The following ADPRHL1 variants were observed in gnomAD, a reference collection of about 807,000 sequenced individuals.
ADPRHL1 encodes inactive ADP-ribosyltransferase ARH2.
A neutral mutation model predicts 44.1 loss-of-function variants in ADPRHL1; 43 were observed. The ratio of observed to expected loss-of-function variants is 0.98; its 90% confidence interval spans 0.76 to 1.26. The LOEUF is 1.26. Among genes scored for constraint, ADPRHL1 ranks in the 50% most tolerant of loss-of-function variants. The probability of loss-of-function intolerance (pLI) is 0.00; values close to 1 mark genes in which losing one functional copy is unlikely to be tolerated. For missense variants in ADPRHL1, 2,022 were observed against 2,496.9 expected (o/e 0.81, Z 4.05); for synonymous variants, 878 against 1,017.4 (o/e 0.86, Z 2.61).
chr13:113,447,209 C>T (rs1234135010), intron 1 of ADPRHL1, among the ~76,000 whole-genome samples: 1 of 127,248 alleles, frequency 7.9e-6, no homozygotes, highest in East Asian at 2.5e-4. Context: ...GTTGTGTGTG[C>T]ATGGCGTCTA....
chr13:113,406,629 C>G lies in ADPRHL1; in HGVS notation c.2653G>C (p.Glu885Gln). ...GENVVENAHT[E>Q]FPTVTENRRG... ...CTGTTCTCAGTCACGGTGGGAAATT[C>G]TGTGTGGGCATTTTCAACCACATTC... is the stretch of plus-strand genomic sequence containing the variant. The change falls in exon 8 of 8, where the codon GAA becomes CAA. Residue 885 changes from glutamate (E) to glutamine (Q), a missense_variant. By Grantham distance (29) the Glu-to-Gln change is conservative. This residue lies in a region of ADPRHL1 where 1,221 missense variants were observed against 1,517.8 expected (regional missense o/e 0.80). Coordinates refer to ENST00000612156, the MANE Select transcript of ADPRHL1 (RefSeq NM_001394807.1). 1 of 1,231,680 alleles carries G rather than the reference C, an allele frequency of 8.1e-7. No individual in the cohort carries two copies. Among genetic ancestry groups the G allele is most frequent in the Non-Finnish European group, 1.0e-6 (1 of 987,938 alleles). 76.3% of individuals were successfully genotyped at this position (1,231,680 alleles called of 1,614,324 possible).
At chr13:113,416,571 G>A (rs929269531) in intron 7 of ADPRHL1, among the ~76,000 whole-genome samples, 2 of 152,132 alleles carry the variant, frequency 1.3e-5, no homozygotes, top group Admixed American at 6.6e-5. Flanking sequence ...CTCAGTACCT[G>A]TGGGACATAC....
At chr13:113,440,971 G>A (rs1270972378) in intron 2 of ADPRHL1, among the ~76,000 whole-genome samples, 1 of 152,038 alleles carries the variant, frequency 6.6e-6, no homozygotes, top group Admixed American at 6.6e-5. Flanking sequence ...TGGCCAACAT[G>A]GCAAAACCTT....
At chr13:113,452,879 CGA>C (rs954282904) in intron 1 of ADPRHL1, among the ~76,000 whole-genome samples, 2 of 152,166 alleles carry the variant, frequency 1.3e-5, no homozygotes, top group Non-Finnish European at 2.9e-5. Flanking sequence ...CCAGCACGGC[CGA>C]GAGAGGCTTC....
At chr13:113,425,275 T>A in intron 4 of ADPRHL1, 96 bp from the exon 5 acceptor site, 1 of 1,159,272 alleles carries the variant, frequency 8.6e-7, no homozygotes, top group Non-Finnish European at 1.2e-6. Flanking sequence ...GGCGTGTGTG[T>A]GGCGGGGAAG....
rs754916054 is a variant in ADPRHL1, at chr13:113,407,192, C to T, written c.2090G>A (p.Arg697Lys). The T allele has an allele frequency of 9.7e-5, 120 of 1,232,140 alleles. No homozygotes were observed. The highest frequency in any genetic ancestry group is 3.1e-4 in the Middle Eastern group (1 of 3,232). 76.3% of individuals were successfully genotyped at this position (1,232,140 alleles called of 1,614,324 possible). The change falls in exon 8 of 8, where the codon AGG (arginine) becomes AAG (lysine). Residue 697 changes from arginine to lysine, a missense_variant. By Grantham distance (26) the Arg-to-Lys change is conservative. Around this residue, in one of 8 missense-constraint regions of ADPRHL1, gnomAD observed 1,221 missense variants for 1,517.8 expected, o/e 0.80. Coordinates refer to ENST00000612156, the MANE Select transcript of ADPRHL1 (RefSeq NM_001394807.1). ...KPVTPQVMAQ[R>K]DGHAVPSLAF... is the part of the protein sequence containing the mutation. ...CAGCGAGGGGACAGCGTGGCCGTCC[C>T]TCTGAGCCATCACCTGGGGTGTCAC...
At chr13:113,432,631 G>T (rs949639197) in intron 3 of ADPRHL1, among the ~76,000 whole-genome samples, 2 of 128,090 alleles carry the variant, frequency 1.6e-5, no homozygotes, top group African/African-American at 5.7e-5. Context: ...GGTAGTAAAG[G>T]CACGCACCTG....
At position 113,424,270 on chromosome 13, in the gene ADPRHL1, A is replaced by G; in HGVS notation, c.854T>C (p.Leu285Pro). The G allele has an allele frequency of 6.2e-7, 1 of 1,612,962 alleles. No homozygotes were observed. Among genetic ancestry groups the G allele is most frequent in the Non-Finnish European group, 8.5e-7 (1 of 1,179,918 alleles). Residue 285 changes from leucine (L) to proline (P), a missense_variant, in exon 6 of 8, where the codon CTT (leucine) becomes CCT (proline). By Grantham distance (98) the Leu-to-Pro change is moderately conservative (BLOSUM62 -3). Coordinates refer to ENST00000612156, the MANE Select transcript of ADPRHL1 (RefSeq NM_001394807.1). The stretch of plus-strand genomic sequence containing the variant: ...CTCAGTCCAGCTGTTTCCTGCTGCA[A>G]GGAGGGCGTCATAGGCTATCATGGG... The part of the protein sequence containing the change: ...DAPMIAYDAL[L>P]AAGNSWTELC...
chr13:113,434,815 C>T (rs1201433532), intron 2 of ADPRHL1, among the ~76,000 whole-genome samples: 1 of 76,642 alleles, frequency 1.3e-5, no homozygotes, highest in Non-Finnish European at 2.5e-5. Flanking sequence ...GGCACCCATG[C>T]ATAGAGTGAA....
chr13:113,445,894 G>A (rs9604115), intron 1 of ADPRHL1, among the ~76,000 whole-genome samples: 4 of 147,512 alleles, frequency 2.7e-5, no homozygotes, highest in East Asian at 2.0e-4. Context: ...GAGAGCACGC[G>A]CGTGTAGGGA....
chr13:113,422,931 A>G lies in ADPRHL1; in HGVS notation c.956T>C (p.Leu319Pro), dbSNP rs967117868. ...GTIAGCLFGL[L>P]YGLDLVPKGL... ...TTTGGGAACGAGGTCCAGGCCGTAC[A>G]GCAACCCGAACAGGCAGCCTGCAAT... The change falls in exon 7 of 8, where the codon CTG (leucine) becomes CCG (proline). Residue 319 changes from leucine (L) to proline (P), a missense_variant. By Grantham distance (98) the Leu-to-Pro change is moderately conservative. Coordinates refer to ENST00000612156, the MANE Select transcript of ADPRHL1 (RefSeq NM_001394807.1). 1.2e-6 allele frequency: 2 copies of G among 1,612,834 alleles called. No individual in the cohort carries two copies. Among genetic ancestry groups the G allele is most frequent in the Non-Finnish European group, 1.7e-6 (2 of 1,179,996 alleles).
chr13:113,408,926 G>A (rs976512579), intron 7 of ADPRHL1, among the ~76,000 whole-genome samples: 3 of 151,140 alleles, frequency 2.0e-5, no homozygotes, highest in Non-Finnish European at 3.0e-5. Flanking sequence ...GGGGAGGAGC[G>A]GGTTGCAGAG....
rs1173259388 is a variant in ADPRHL1 at position 113,399,752 on chromosome 13, A to G, written c.*3626T>C. 2.6e-5 allele frequency: 4 copies of G among 152,098 alleles called. No individual in the cohort carries two copies. The highest frequency in any genetic ancestry group is 4.8e-5 in the African/African-American group (2 of 41,438). The allele number at this position is 152,098 out of a possible 1,614,324, so 9.4% of individuals were successfully genotyped here. A position where few individuals can be genotyped will look rare whatever the true frequency, so the allele number is the denominator to read the frequency against. On this transcript the variant is annotated 3_prime_UTR_variant, in exon 8 of 8. Coordinates refer to ENST00000612156, the MANE Select transcript of ADPRHL1 (RefSeq NM_001394807.1). ...TAGGGTTGTTTATATACAAAGAAGAATATGAACAAGAACAAATTTAATAAA... is the reference window on the plus strand; with the variant it reads ...TAGGGTTGTTTATATACAAAGAAGAGTATGAACAAGAACAAATTTAATAAA...
At position 113,403,357 on chromosome 13, in the gene ADPRHL1, C is replaced by A. The variant is rs568305562; in HGVS notation, c.*21G>T. The A allele has an allele frequency of 3.2e-6, 4 of 1,231,826 alleles. No individual in the cohort carries two copies. The African/African-American group carries it at 6.2e-5, about 19-fold the overall frequency. 76.3% of individuals were successfully genotyped at this position (1,231,826 alleles called of 1,614,324 possible). A position where few individuals can be genotyped will look rare whatever the true frequency, so the allele number is the denominator to read the frequency against. ...GGCGGATGTCACAGTGCTGGGCGAGCCACGGTGTGTACTCGGGGCCTCACT... is the reference window on the plus strand; with the variant it reads ...GGCGGATGTCACAGTGCTGGGCGAGACACGGTGTGTACTCGGGGCCTCACT... On this transcript the variant is annotated 3_prime_UTR_variant, in exon 8 of 8. Transcript: ENST00000612156.
intron 2 of ADPRHL1, among the ~76,000 whole-genome samples, chr13:113,435,821 G>C (rs1216260267): frequency 1.1e-5 from 1 of 91,482 alleles, no homozygotes; most frequent in African/African-American, 4.4e-5. Context: ...CCGGCACCCA[G>C]GTGTAGAGTG....
At chr13:113,421,178 G>C (rs1202967082) in intron 7 of ADPRHL1, among the ~76,000 whole-genome samples, 36 of 25,658 alleles carry the variant, frequency 1.4e-3, no homozygotes, top group Admixed American at 1.6e-3. Flanking sequence ...CCCAGGACAC[G>C]CCTACCCCTG....
intron 7 of ADPRHL1, among the ~76,000 whole-genome samples, chr13:113,412,585 G>T (rs1165205510): frequency 2.0e-5 from 3 of 152,234 alleles, no homozygotes; most frequent in Non-Finnish European, 4.4e-5. Context: ...GACCCCTGTT[G>T]GTTCTGGTCT....
At chr13:113,411,248 T>C (rs188412293) in intron 7 of ADPRHL1, among the ~76,000 whole-genome samples, 2 of 152,282 alleles carry the variant, frequency 1.3e-5, no homozygotes, top group Admixed American at 1.3e-4. Context: ...AAGAGAGTAA[T>C]GGAGCTCCAG....
At position 113,449,951 on chromosome 13, in the gene ADPRHL1, T is replaced by C. The variant is rs1368929606; in HGVS notation, c.214+3273A>G. ...CTGGGCAAGCGCCTGAACCTCTCTG[T>C]ATGTCAATTTTTTCTCCTGTAAGAT... On this transcript the variant is annotated intron_variant, in intron 1 of 7. Coordinates refer to ENST00000612156, the MANE Select transcript of ADPRHL1 (RefSeq NM_001394807.1). Among the ~76,000 whole-genome samples the C allele has an allele frequency of 2.0e-5, 3 of 152,210 alleles. No homozygotes were observed. In the East Asian group the frequency reaches 5.8e-4, roughly 29 times the overall value.
Sources: gnomAD v4.1 joint callset for allele counts (sites outside exome capture counted in the v4.1 genomes callset) on GRCh38, gnomAD v4.1.1 for gene constraint, gnomAD v4.1.1 regional missense constraint, MANE v1.5 for transcripts, NCBI Gene and HGNC (gene_info 2026-07-23, HGNC 2026-07-21) for gene names.